Variants in GTF2E2 observed in about 807,000 individuals in gnomAD.
GTF2E2 encodes the protein transcription initiation factor IIE subunit beta.
Under a neutral mutation model 40.5 loss-of-function variants are expected in GTF2E2, and 21 were observed. That is an observed-to-expected ratio of 0.52 (90% confidence interval 0.37 to 0.75). The LOEUF (loss-of-function observed/expected upper bound fraction) is 0.75. Ranked by LOEUF, GTF2E2 falls within the 30% of genes least tolerant of loss-of-function variation. GTF2E2 has a pLI of 0.00. For synonymous variants in GTF2E2, 117 were observed against 121.6 expected (o/e 0.96, Z 0.25); for missense variants, 298 against 338.4 (o/e 0.88, Z 0.94).
At chr8:30,627,467 A>C (rs987173839) in intron 3 of GTF2E2, among the ~76,000 whole-genome samples, 9 of 151,456 alleles carry the variant, frequency 5.9e-5, no homozygotes, top group African/African-American at 2.2e-4. Flanking sequence ...AAAAAAAAAA[A>C]AAAACTCAGG....
At chr8:30,635,879 CA>C (rs891759571) in intron 2 of GTF2E2, among the ~76,000 whole-genome samples, 1 of 151,580 alleles carries the variant, frequency 6.6e-6, no homozygotes, top group Non-Finnish European at 1.5e-5. Flanking sequence ...AATTTAAGAC[CA>C]AAAAAATAGG....
chr8:30,632,091 C>CA (rs1379755547), intron 3 of GTF2E2, among the ~76,000 whole-genome samples: 1 of 152,140 alleles, frequency 6.6e-6, no homozygotes, highest in East Asian at 1.9e-4. Context: ...GCCTAGGTGA[C>CA]AGAGTTAAGA....
intron 3 of GTF2E2, among the ~76,000 whole-genome samples, chr8:30,619,066 C>T (rs559623108): frequency 9.2e-5 from 14 of 152,188 alleles, no homozygotes; most frequent in African/African-American, 3.1e-4. Context: ...CCTCAGCCTC[C>T]GAGTAGCTGA....
chr8:30,648,322 A>G (rs1167965683), intron 2 of GTF2E2, among the ~76,000 whole-genome samples: 1 of 152,232 alleles, frequency 6.6e-6, no homozygotes, highest in Non-Finnish European at 1.5e-5. Flanking sequence ...CTTTATCTGA[A>G]AAACAGTAAC....
At chr8:30,615,511 TTAAC>T (rs1185098657) in intron 3 of GTF2E2, among the ~76,000 whole-genome samples, 1 of 152,128 alleles carries the variant, frequency 6.6e-6, no homozygotes, top group Non-Finnish European at 1.5e-5. Context: ...AGAAGACAGA[TTAAC>T]TACAGCACAT....
At position 30,614,622 on chromosome 8, in the gene GTF2E2, A is replaced by C. The variant is rs1449671508; in HGVS notation, c.352T>G (p.Trp118Gly). Reference protein sequence around the residue: ...HLDIGLKQKQWLMTEALVNNP... With the variant: ...HLDIGLKQKQGLMTEALVNNP... ...TAAATTCTTACCTCAGTCATTAGCC[A>C]TTGTTTCTGCTTGAGTCCAATATCT... The change falls in exon 4 of 8, where the codon TGG (tryptophan) becomes GGG (glycine). Residue 118 changes from tryptophan (W) to glycine (G), a missense_variant. Transcript: ENST00000355904. 1.9e-6 allele frequency: 3 copies of C among 1,567,434 alleles called. No individual in the cohort carries two copies. The Admixed American group carries it at 5.1e-5, about 26-fold the overall frequency.
intron 5 of GTF2E2, among the ~76,000 whole-genome samples, chr8:30,611,980 T>C (rs185500639): frequency 2.6e-5 from 4 of 152,332 alleles, no homozygotes; most frequent in Middle Eastern, 3.4e-3. Flanking sequence ...ACTAGTATTA[T>C]AGAAGACACT....
chr8:30,655,815 TC>T (rs1586016436), intron 1 of GTF2E2, among the ~76,000 whole-genome samples: 1 of 152,002 alleles, frequency 6.6e-6, no homozygotes, highest in East Asian at 1.9e-4. Context: ...AATTTTTTTT[TC>T]TTTTTTTTTG....
intron 3 of GTF2E2, among the ~76,000 whole-genome samples, chr8:30,627,249 G>A (rs960324398): frequency 6.6e-6 from 1 of 152,000 alleles, no homozygotes; most frequent in Admixed American, 6.6e-5. Flanking sequence ...TATATGTCTT[G>A]TAAATTTTTT....
intron 2 of GTF2E2, among the ~76,000 whole-genome samples, chr8:30,640,675 C>T (rs1297323496): frequency 3.3e-5 from 5 of 152,232 alleles, no homozygotes; most frequent in East Asian, 1.9e-4. Flanking sequence ...AAAACTAAGT[C>T]GCAGGATAGG....
chr8:30,597,213 C>T (rs1173104718), intron 6 of GTF2E2: 1 of 152,232 alleles, frequency 6.6e-6, no homozygotes, highest in Non-Finnish European at 1.5e-5. Context: ...CTGTCCCTCG[C>T]CAAGGACGAA....
At chr8:30,620,905 G>A (rs1414781714) in intron 3 of GTF2E2, among the ~76,000 whole-genome samples, 1 of 151,592 alleles carries the variant, frequency 6.6e-6, no homozygotes, top group Non-Finnish European at 1.5e-5. Flanking sequence ...CTCCAGCCTG[G>A]GAAACAGAGT....
intron 2 of GTF2E2, among the ~76,000 whole-genome samples, chr8:30,644,203 A>G (rs1483651814): frequency 2.0e-5 from 3 of 152,216 alleles, no homozygotes; most frequent in South Asian, 4.1e-4. Flanking sequence ...AAGAGCTAAC[A>G]AGTACCAGGT....
At chr8:30,637,161 T>C (rs768702706) in intron 2 of GTF2E2, 2 of 453,012 alleles carry the variant, frequency 4.4e-6, no homozygotes, top group Non-Finnish European at 8.9e-6. Context: ...GATTATTCCA[T>C]CTGAAACTGG....
intron 1 of GTF2E2, among the ~76,000 whole-genome samples, chr8:30,655,800 G>A (rs1048901635): frequency 6.6e-6 from 1 of 151,910 alleles, no homozygotes; most frequent in Non-Finnish European, 1.5e-5. Context: ...CCTTCTCTCA[G>A]TTTCAATTTT....
intron 2 of GTF2E2, among the ~76,000 whole-genome samples, chr8:30,644,923 G>A (rs545955811): frequency 6.6e-6 from 1 of 151,576 alleles, no homozygotes; most frequent in Non-Finnish European, 1.5e-5. Flanking sequence ...GCTAATTTTT[G>A]TATGTTTTGT....
At chr8:30,632,251 A>G (rs998793052) in intron 3 of GTF2E2, among the ~76,000 whole-genome samples, 3 of 152,272 alleles carry the variant, frequency 2.0e-5, no homozygotes, top group African/African-American at 7.2e-5. Context: ...AAATTACTGT[A>G]ATTCTTTTTC....
intron 6 of GTF2E2, among the ~76,000 whole-genome samples, chr8:30,591,683 A>G (rs1178847975): frequency 6.6e-6 from 1 of 152,206 alleles, no homozygotes; most frequent in Non-Finnish European, 1.5e-5. Flanking sequence ...GTGAGAATGT[A>G]AATTAATGTA....
At chr8:30,580,182 G>A in intron 7 of GTF2E2, 99 bp downstream of exon 7, 1 of 713,564 alleles carries the variant, frequency 1.4e-6, no homozygotes, top group East Asian at 2.6e-5. Context: ...GAGAAACAAT[G>A]GCGGGGGAAC....
Sources: gnomAD v4.1 joint callset for allele counts (sites outside exome capture counted in the v4.1 genomes callset) on GRCh38, gnomAD v4.1.1 for gene constraint, MANE v1.5 for transcripts, NCBI Gene and HGNC (gene_info 2026-07-23, HGNC 2026-07-21) for gene names.